TOMM70: variants seen among roughly 807,000 people sequenced by gnomAD.
The protein encoded by TOMM70 is mitochondrial import receptor subunit TOM70.
Under a neutral mutation model 73.6 loss-of-function variants are expected in TOMM70, and 13 were observed. The observed-to-expected ratio is 0.18, with a 90% CI of 0.11 to 0.28. The LOEUF is 0.28. TOMM70 is among the 10% of genes least tolerant of loss of function. The probability of loss-of-function intolerance (pLI) is 1.00; values close to 1 mark genes in which losing one functional copy is unlikely to be tolerated. For synonymous variants in TOMM70, 257 were observed against 271.2 expected (o/e 0.95, Z 0.51); for missense variants, 609 against 747.5 (o/e 0.81, Z 2.16).
chr3:100,378,260 A>C (rs1260843998), intron 5 of TOMM70, among the ~76,000 whole-genome samples: 1 of 152,024 alleles, frequency 6.6e-6, no homozygotes, highest in African/African-American at 2.4e-5. Context: ...AAAAGAAAGA[A>C]AGAAAAGAAA....
At chr3:100,384,142 C>T (rs758732542) in intron 4 of TOMM70, among the ~76,000 whole-genome samples, 14 of 152,204 alleles carry the variant, frequency 9.2e-5, no homozygotes, top group Admixed American at 6.5e-4. Context: ...CACTCAACTC[C>T]GCTGTTGTAT....
At chr3:100,387,635 C>CACACACACGT (rs1437188432) in intron 1 of TOMM70, among the ~76,000 whole-genome samples, 2 of 110,082 alleles carry the variant, frequency 1.8e-5, no homozygotes, top group African/African-American at 7.3e-5. Flanking sequence ...CACACACACA[C>CACACACACGT]GTATATACTT....
At chr3:100,398,938 T>G (rs138986347) in intron 1 of TOMM70, among the ~76,000 whole-genome samples, 2 of 152,202 alleles carry the variant, frequency 1.3e-5, no homozygotes, top group Admixed American at 1.3e-4. Context: ...GATACTAGTT[T>G]GTTCATTCCT....
intron 11 of TOMM70, 37 bp from the exon 12 acceptor site, chr3:100,365,754 A>G (rs1182885804): frequency 1.9e-6 from 3 of 1,610,698 alleles, no homozygotes; most frequent in Admixed American, 1.7e-5. Context: ...AGATTCAACA[A>G]GCACTTCACA....
chr3:100,372,685 A>G lies in TOMM70; in HGVS notation c.1373T>C (p.Ile458Thr). The stretch of plus-strand genomic sequence containing the variant: ...TTCAAAACCTTTCATAGCTGCTTGG[A>G]TTTGTGAAGAGTTGTTTCCCGTATA... The part of the protein sequence containing the change: ...QAYTGNNSSQ[I>T]QAAMKGFEEV... Residue 458 changes from isoleucine to threonine, a missense_variant, in exon 9 of 12, where the codon ATC becomes ACC. This residue lies in a region of TOMM70 where 432 missense variants were observed against 584.1 expected (regional missense o/e 0.74). Coordinates refer to ENST00000284320, the MANE Select transcript of TOMM70 (RefSeq NM_014820.5). 3 of 1,614,070 alleles carry G rather than the reference A, an allele frequency of 1.9e-6. No individual in the cohort carries two copies. The South Asian group carries it at 3.3e-5, about 18-fold the overall frequency.
intron 11 of TOMM70, 88 bp downstream of exon 11, chr3:100,367,951 GAACAT>G: frequency 7.6e-7 from 1 of 1,319,448 alleles, no homozygotes; most frequent in Non-Finnish European, 1.0e-6. Flanking sequence ...AAAGAGGAAA[GAACAT>G]AACAGACTTT....
chr3:100,384,815 G>A (rs1373921545), intron 3 of TOMM70, among the ~76,000 whole-genome samples: 1 of 152,132 alleles, frequency 6.6e-6, no homozygotes, highest in African/African-American at 2.4e-5. Context: ...TTCCTTAACT[G>A]TGAAATGAAA....
In TOMM70 at chr3:100,400,985, G is replaced by A. The variant is rs1559837337; in HGVS notation, c.-36C>T. ...CTCTGCCACCGCCTCCCTGTCTGTC[G>A]CGAGCGCCACAATCACCAAACAGCG... On this transcript the variant is annotated 5_prime_UTR_variant, in exon 1 of 12. Coordinates refer to ENST00000284320, the MANE Select transcript of TOMM70 (RefSeq NM_014820.5). 8 of 1,521,198 alleles carry A rather than the reference G, an allele frequency of 5.3e-6. No individual in the cohort carries two copies. The highest frequency in any genetic ancestry group is 5.1e-5 in the East Asian group (2 of 39,296). The allele number at this position is 1,521,198 out of a possible 1,614,324, so 94.2% of individuals were successfully genotyped here.
intron 1 of TOMM70, among the ~76,000 whole-genome samples, chr3:100,388,413 T>A (rs1275071572): frequency 1.3e-5 from 2 of 152,098 alleles, no homozygotes; most frequent in Non-Finnish European, 2.9e-5. Flanking sequence ...GGAGTGAGGA[T>A]CTTCTATATG....
rs867110514 is a variant in TOMM70, at chr3:100,401,056, G to C, written c.-107C>G. On this transcript the variant is annotated 5_prime_UTR_variant, in exon 1 of 12. Transcript: ENST00000284320. The stretch of plus-strand genomic sequence containing the variant: ...GGGAAGGAAAGCAATGAGCGAGCGA[G>C]CACGCTAGGCAGAGAGAGCGGACGA... 3 of 1,207,214 alleles carry C rather than the reference G, an allele frequency of 2.5e-6. No individual in the cohort carries two copies. Among genetic ancestry groups the C allele is most frequent in the African/African-American group, 1.6e-5 (1 of 63,654 alleles). The allele number at this position is 1,207,214 out of a possible 1,614,324, so 74.8% of individuals were successfully genotyped here.
intron 6 of TOMM70, among the ~76,000 whole-genome samples, chr3:100,375,474 G>C (rs1706552203): frequency 6.6e-6 from 1 of 152,278 alleles, no homozygotes; most frequent in East Asian, 1.9e-4. Context: ...GATGTTTCAT[G>C]TAAGTGGAAT....
At chr3:100,377,354 C>G (rs1706576878) in intron 6 of TOMM70, 1 of 180,816 alleles carries the variant, frequency 5.5e-6, no homozygotes, top group Non-Finnish European at 1.2e-5. Flanking sequence ...GTTTTATAAC[C>G]TGGTGCTACA....
At chr3:100,376,334 T>C (rs1400485401) in intron 6 of TOMM70, among the ~76,000 whole-genome samples, 1 of 151,626 alleles carries the variant, frequency 6.6e-6, no homozygotes, top group Non-Finnish European at 1.5e-5. Context: ...GTGTGATGTG[T>C]TTTCTCCTTC....
At chr3:100,398,441 T>C (rs1706849269) in intron 1 of TOMM70, among the ~76,000 whole-genome samples, 2 of 151,900 alleles carry the variant, frequency 1.3e-5, no homozygotes, top group African/African-American at 2.4e-5. Context: ...TTATTTTTAA[T>C]GTTTACAGAA....
chr3:100,375,175 G>A (rs749437085), intron 6 of TOMM70, 23 bp from the exon 7 acceptor site: 2 of 1,517,284 alleles, frequency 1.3e-6, no homozygotes, highest in South Asian at 1.3e-5. Context: ...AGTGAGGAAA[G>A]GTTCATCATT....
At chr3:100,379,393 G>C (rs900161860) in intron 5 of TOMM70, among the ~76,000 whole-genome samples, 1 of 152,168 alleles carries the variant, frequency 6.6e-6, no homozygotes. Flanking sequence ...GAAGGCTAAC[G>C]TGGGAGGATC....
At chr3:100,393,561 T>C (rs143692794) in intron 1 of TOMM70, among the ~76,000 whole-genome samples, 2,334 of 152,280 alleles carry the variant, frequency 0.015, 27 homozygotes, top group African/African-American at 0.04. Context: ...AATTCATCCA[T>C]GTGACCAAAA....
Position 100,372,736 on chromosome 3 carries a change from A to T in TOMM70, c.1336-14T>A, listed in dbSNP as rs1220928070. The T allele has an allele frequency of 5.0e-6, 8 of 1,598,144 alleles. No homozygotes were observed. Among genetic ancestry groups the T allele is most frequent in the African/African-American group, 1.3e-5 (1 of 74,348 alleles). ...TGCCTGGCGGTACTATAAAAAATCA[A>T]AACAGGCCTGTCAAATCAAGAACTC... On this transcript the variant is annotated splice_polypyrimidine_tract_variant and intron_variant, in intron 8 of 11. Coordinates refer to ENST00000284320, the MANE Select transcript of TOMM70 (RefSeq NM_014820.5).
intron 10 of TOMM70, 34 bp downstream of exon 10, chr3:100,369,001 TTTA>T (rs1417609958): frequency 2.7e-6 from 4 of 1,468,866 alleles, no homozygotes; most frequent in Non-Finnish European, 3.8e-6. Flanking sequence ...ATGCAAGAAA[TTTA>T]TTATCTCATT....
Sources: gnomAD v4.1 joint callset for allele counts (sites outside exome capture counted in the v4.1 genomes callset) on GRCh38, gnomAD v4.1.1 for gene constraint, gnomAD v4.1.1 regional missense constraint, MANE v1.5 for transcripts, NCBI Gene and HGNC (gene_info 2026-07-23, HGNC 2026-07-21) for gene names.